The following EXT1 variants were observed in gnomAD, a reference collection of about 807,000 sequenced individuals.
The protein encoded by EXT1 is exostosin-1.
EXT1 carries 20 observed loss-of-function variants against 82.5 expected under a neutral mutation model. That is an observed-to-expected ratio of 0.24 (90% CI 0.17 to 0.35). The LOEUF (loss-of-function observed/expected upper bound fraction) is 0.35, where lower values mean the gene tolerates loss of function less well. Among genes scored for constraint, EXT1 ranks in the 10% least tolerant of loss-of-function variants. The pLI is 1.00. For synonymous variants in EXT1, 348 were observed against 350.8 expected, an observed-to-expected ratio of 0.99 and a Z score of 0.09; for missense variants, 757 against 936.5, an observed-to-expected ratio of 0.81 and a Z score of 2.50.
chr8:118,106,429 A>G (rs1431177604), intron 1 of EXT1, among the ~76,000 whole-genome samples: 1 of 152,230 alleles, frequency 6.6e-6, no homozygotes, highest in Non-Finnish European at 1.5e-5. Flanking sequence ...CTCAGTTTCT[A>G]CATCTGTAAA....
chr8:117,899,293 TG>T (rs145024524), intron 1 of EXT1, among the ~76,000 whole-genome samples: 1,935 of 152,308 alleles, frequency 0.013, 40 homozygotes, highest in African/African-American at 0.043. Flanking sequence ...CTCTAGAAGT[TG>T]GGAGAAATAT....
intron 1 of EXT1, among the ~76,000 whole-genome samples, chr8:118,017,007 T>G (rs950113908): frequency 6.6e-6 from 1 of 152,226 alleles, no homozygotes; most frequent in Non-Finnish European, 1.5e-5. Flanking sequence ...ATGGTACGTG[T>G]ATAAAATTTC....
rs1211125468 is a variant in EXT1 at position 117,858,805 on chromosome 8, C to G, written c.963-21604G>C. Among the ~76,000 whole-genome samples the G allele has an allele frequency of 1.3e-3, 89 of 66,732 alleles. 5 individuals carry two copies. The highest frequency in any genetic ancestry group is 6.3e-3 in the African/African-American group (75 of 11,812). 43.8% of individuals were successfully genotyped at this position (66,732 alleles called of 152,430 possible). ...GGCAGGCAGGCAAGGCAAGGCAAGG[C>G]AAGGCAGGAAGGAAGGAAGGAAGGA... On this transcript the variant is annotated intron_variant, in intron 1 of 10. Transcript: ENST00000378204.
chr8:117,822,734 T>C, intron 4 of EXT1, 137 bp from the exon 5 acceptor site: 4 of 888,624 alleles, frequency 4.5e-6, no homozygotes, highest in Non-Finnish European at 5.4e-6. Flanking sequence ...ATTCTCCGGA[T>C]AAAAATGTCT....
intron 1 of EXT1, among the ~76,000 whole-genome samples, chr8:117,878,564 G>A (rs865817875): frequency 6.6e-6 from 1 of 152,152 alleles, no homozygotes. Flanking sequence ...AGATGACCTG[G>A]CATAAGGTTG....
At chr8:117,849,545 A>G (rs1193905987) in intron 1 of EXT1, among the ~76,000 whole-genome samples, 1 of 152,226 alleles carries the variant, frequency 6.6e-6, no homozygotes, top group African/African-American at 2.4e-5. Context: ...AAGGATATAG[A>G]GAAGTTTTCT....
rs369483899 is a variant in EXT1, at chr8:117,892,529, G to A, written c.963-55328C>T. ...ACTACAGAACCCTGTATGTCACAGTGAGGAATATGGACATTACTGTGAGTG... is the reference window on the plus strand; with the variant it reads ...ACTACAGAACCCTGTATGTCACAGTAAGGAATATGGACATTACTGTGAGTG... On this transcript the variant is annotated intron_variant, in intron 1 of 10. Transcript: ENST00000378204. 9.8e-5 allele frequency among the ~76,000 whole-genome samples: 15 copies of A among 152,312 alleles called. No homozygotes were observed. The East Asian group carries it at 2.7e-3, about 27-fold the overall frequency.
chr8:117,874,575 C>CA (rs61249983), intron 1 of EXT1, among the ~76,000 whole-genome samples: 1,085 of 69,728 alleles, frequency 0.016, 47 homozygotes, highest in African/African-American at 0.032. Context: ...GACTCTGCCT[C>CA]AAAAAAAAAA....
intron 1 of EXT1, among the ~76,000 whole-genome samples, chr8:118,005,692 G>A (rs995109634): frequency 6.6e-6 from 1 of 152,192 alleles, no homozygotes; most frequent in African/African-American, 2.4e-5. Flanking sequence ...TACGCAAAGT[G>A]TCTTTTATGA....
intron 1 of EXT1, among the ~76,000 whole-genome samples, chr8:117,955,636 ACCT>A (rs1814571617): frequency 6.6e-6 from 1 of 151,776 alleles, no homozygotes; most frequent in South Asian, 2.1e-4. Context: ...GCTCACTGCA[ACCT>A]CCACCTCCCG....
intron 1 of EXT1, among the ~76,000 whole-genome samples, chr8:117,843,377 G>C (rs1812302787): frequency 6.6e-6 from 1 of 152,190 alleles, no homozygotes; most frequent in African/African-American, 2.4e-5. Flanking sequence ...ATACAGAGAA[G>C]AGAAGCAATG....
chr8:117,830,446 A>C (rs1812080819), intron 3 of EXT1, 97 bp from the exon 4 acceptor site: 1 of 1,392,838 alleles, frequency 7.2e-7, no homozygotes, highest in African/African-American at 1.4e-5. Context: ...TATTCTTCAT[A>C]GCATTTGGCT....
At chr8:118,009,006 CAGG>C (rs1815839166) in intron 1 of EXT1, among the ~76,000 whole-genome samples, 1 of 152,010 alleles carries the variant, frequency 6.6e-6, no homozygotes, top group South Asian at 2.1e-4. Flanking sequence ...GTAGAACTGC[CAGG>C]AGATTTAAAA....
chr8:118,099,895 T>G (rs965054708), intron 1 of EXT1, among the ~76,000 whole-genome samples: 2 of 152,196 alleles, frequency 1.3e-5, no homozygotes, highest in Admixed American at 1.3e-4. Flanking sequence ...CAACAGCGCC[T>G]GCCACAGCCA....
At chr8:117,824,966 A>C (rs1195217167) in intron 4 of EXT1, among the ~76,000 whole-genome samples, 1 of 152,120 alleles carries the variant, frequency 6.6e-6, no homozygotes, top group East Asian at 1.9e-4. Context: ...TCCTGGGCTC[A>C]AAGGATACTC....
intron 1 of EXT1, among the ~76,000 whole-genome samples, chr8:118,083,082 G>A (rs1354086190): frequency 6.6e-6 from 1 of 152,142 alleles, no homozygotes; most frequent in African/African-American, 2.4e-5. Flanking sequence ...CAGTTAAACT[G>A]GTGGGGCTTG....
chr8:117,938,458 A>G (rs1814211623), intron 1 of EXT1, among the ~76,000 whole-genome samples: 1 of 151,960 alleles, frequency 6.6e-6, no homozygotes, highest in Non-Finnish European at 1.5e-5. Flanking sequence ...CGAGACTCCA[A>G]CTCAAAAATA....
At chr8:117,859,996 A>T (rs1812651651) in intron 1 of EXT1, among the ~76,000 whole-genome samples, 1 of 151,866 alleles carries the variant, frequency 6.6e-6, no homozygotes, top group Admixed American at 6.6e-5. Context: ...AAAATACAAA[A>T]ATTAGCCGGA....
intron 1 of EXT1, among the ~76,000 whole-genome samples, chr8:117,936,387 C>T (rs1814163339): frequency 6.6e-6 from 1 of 152,160 alleles, no homozygotes; most frequent in South Asian, 2.1e-4. Flanking sequence ...AGTGCAGCTG[C>T]CATTTTTACT....
Sources: allele counts gnomAD v4.1 joint callset (sites outside exome capture counted in the v4.1 genomes callset), GRCh38; gene constraint gnomAD v4.1.1; transcripts MANE v1.5; gene names NCBI Gene and HGNC (gene_info 2026-07-23, HGNC 2026-07-21).